The following CACNA2D3 variants were observed in gnomAD, a reference collection of about 807,000 sequenced individuals.
CACNA2D3 encodes calcium voltage-gated channel auxiliary subunit alpha2delta 3, also known as voltage-dependent calcium channel subunit alpha-2/delta-3.
CACNA2D3 carries 60 observed loss-of-function variants against 160.6 expected under a neutral mutation model. The ratio of observed to expected loss-of-function variants is 0.37; its 90% CI spans 0.30 to 0.46. CACNA2D3 has a LOEUF of 0.46. Among genes scored for constraint, CACNA2D3 ranks in the 20% least tolerant of loss-of-function variants. The pLI is 1.00. For missense variants in CACNA2D3, 1,205 were observed against 1,365.0 expected, an observed-to-expected ratio of 0.88 and a Z score of 1.85; for synonymous variants, 558 against 492.9, an observed-to-expected ratio of 1.13 and a Z score of -1.75.
chr3:54,625,433 A>G (rs1183496266), intron 9 of CACNA2D3, among the ~76,000 whole-genome samples: 1 of 152,194 alleles, frequency 6.6e-6, no homozygotes, highest in East Asian at 1.9e-4. Context: ...TTCTCAGTCT[A>G]TCTGTAAAGT....
chr3:54,141,628 A>G (rs759213402), intron 2 of CACNA2D3, among the ~76,000 whole-genome samples: 4 of 152,182 alleles, frequency 2.6e-5, no homozygotes, highest in Non-Finnish European at 5.9e-5. Flanking sequence ...TTGAGAGATG[A>G]TGGCTATTAA....
At chr3:54,447,671 G>A (rs1322610511) in intron 4 of CACNA2D3, among the ~76,000 whole-genome samples, 1 of 152,228 alleles carries the variant, frequency 6.6e-6, no homozygotes, top group Non-Finnish European at 1.5e-5. Context: ...TTAGGCCACA[G>A]TTACACGTCA....
At chr3:54,524,669 T>C (rs915533814) in intron 5 of CACNA2D3, among the ~76,000 whole-genome samples, 3 of 152,154 alleles carry the variant, frequency 2.0e-5, no homozygotes, top group African/African-American at 7.2e-5. Context: ...ATGCTCTGTG[T>C]GTAGGTGTGT....
chr3:54,243,585 C>T (rs1702013520), intron 2 of CACNA2D3, among the ~76,000 whole-genome samples: 1 of 152,102 alleles, frequency 6.6e-6, no homozygotes, highest in Non-Finnish European at 1.5e-5. Context: ...TTTGATAGTT[C>T]TTACTAAAAA....
At chr3:54,200,592 T>C (rs1701160772) in intron 2 of CACNA2D3, among the ~76,000 whole-genome samples, 1 of 152,204 alleles carries the variant, frequency 6.6e-6, no homozygotes, top group African/African-American at 2.4e-5. Flanking sequence ...CCAGCTTTAG[T>C]GGTGGATATC....
intron 3 of CACNA2D3, among the ~76,000 whole-genome samples, chr3:54,336,931 G>T (rs1024804924): frequency 6.6e-6 from 1 of 152,182 alleles, no homozygotes; most frequent in Non-Finnish European, 1.5e-5. Context: ...ATTAGAGTGG[G>T]TGCAAGTGGG....
At chr3:54,870,541 A>G (rs183467222) in intron 17 of CACNA2D3, among the ~76,000 whole-genome samples, 3 of 152,206 alleles carry the variant, frequency 2.0e-5, no homozygotes, top group Non-Finnish European at 4.4e-5. Flanking sequence ...TTCCTACATT[A>G]TAAACACCCC....
intron 4 of CACNA2D3, among the ~76,000 whole-genome samples, chr3:54,464,251 C>T (rs972107166): frequency 3.9e-5 from 6 of 152,172 alleles, no homozygotes; most frequent in Non-Finnish European, 7.3e-5. Flanking sequence ...AGGCAGTCTG[C>T]CCCTTCTCAT....
intron 11 of CACNA2D3, among the ~76,000 whole-genome samples, chr3:54,674,806 T>A (rs1700212404): frequency 6.6e-6 from 1 of 152,150 alleles, no homozygotes; most frequent in Non-Finnish European, 1.5e-5. Flanking sequence ...TTCAGAAAGT[T>A]AAGATTTTGT....
chr3:54,947,746 A>G (rs1299276988), intron 27 of CACNA2D3, among the ~76,000 whole-genome samples: 1 of 152,140 alleles, frequency 6.6e-6, no homozygotes, highest in Non-Finnish European at 1.5e-5. Flanking sequence ...ATGTATTCCA[A>G]ATATGAAGGG....
chr3:54,752,027 C>T (rs925509693), intron 11 of CACNA2D3, among the ~76,000 whole-genome samples: 6 of 152,002 alleles, frequency 3.9e-5, no homozygotes, highest in Non-Finnish European at 8.8e-5. Flanking sequence ...TTTTGCTCTT[C>T]AGGAACCAAA....
chr3:54,463,921 G>A (rs1295574902), intron 4 of CACNA2D3, among the ~76,000 whole-genome samples: 1 of 152,260 alleles, frequency 6.6e-6, no homozygotes. Context: ...TTTGGTCTTT[G>A]ATGATGGCGA....
intron 2 of CACNA2D3, among the ~76,000 whole-genome samples, chr3:54,137,709 TTATTC>T (rs552976755): frequency 4.0e-4 from 61 of 152,344 alleles, no homozygotes; most frequent in African/African-American, 1.1e-3. Context: ...ATTTTGTACT[TTATTC>T]TATTATAGTC....
At chr3:54,199,546 T>C (rs1397752665) in intron 2 of CACNA2D3, among the ~76,000 whole-genome samples, 1 of 151,770 alleles carries the variant, frequency 6.6e-6, no homozygotes, top group Non-Finnish European at 1.5e-5. Context: ...ATTTTTTTAT[T>C]TTTTTTTGTA....
intron 3 of CACNA2D3, among the ~76,000 whole-genome samples, chr3:54,369,503 C>G (rs1169209652): frequency 1.3e-5 from 2 of 152,178 alleles, no homozygotes; most frequent in African/African-American, 2.4e-5. Flanking sequence ...CACTGGACCC[C>G]AGCCTCTGAC....
chr3:54,690,301 C>G lies in CACNA2D3; in HGVS notation c.1167+48060C>G, dbSNP rs926731459. On this transcript the variant is annotated intron_variant, in intron 11 of 37. Coordinates refer to ENST00000474759, the MANE Select transcript of CACNA2D3 (RefSeq NM_018398.3). ...TCTCAATTTGCTTAATTTTTTTTCC[C>G]ATAGTAATTTTCCTTACTACTTTCT... Among the ~76,000 whole-genome samples, 9 of 152,058 alleles carry G rather than the reference C, an allele frequency of 5.9e-5. No homozygotes were observed. In the East Asian group the frequency reaches 7.7e-4, roughly 13 times the overall value.
chr3:54,717,828 TGTGTGTGCGTGA>T (rs1701089556), intron 11 of CACNA2D3, among the ~76,000 whole-genome samples: 1 of 144,446 alleles, frequency 6.9e-6, no homozygotes, highest in East Asian at 2.1e-4. Flanking sequence ...GTGTGTGTGG[TGTGTGTGCGTGA>T]GTGTGTGTGT....
intron 4 of CACNA2D3, among the ~76,000 whole-genome samples, chr3:54,400,440 G>C (rs1699434922): frequency 6.6e-6 from 1 of 152,048 alleles, no homozygotes; most frequent in African/African-American, 2.4e-5. Context: ...CAGCACTGTT[G>C]CAGCTGCTTG....
At chr3:54,556,406 C>G (rs1018838030) in intron 5 of CACNA2D3, among the ~76,000 whole-genome samples, 3 of 152,026 alleles carry the variant, frequency 2.0e-5, no homozygotes, top group African/African-American at 7.2e-5. Flanking sequence ...GGACGGCAGG[C>G]GAGCACCAGA....
Sources: gnomAD v4.1 joint callset for allele counts (sites outside exome capture counted in the v4.1 genomes callset) on GRCh38, gnomAD v4.1.1 for gene constraint, MANE v1.5 for transcripts, NCBI Gene and HGNC (gene_info 2026-07-23, HGNC 2026-07-21) for gene names.